The following NRG3 variants were observed in gnomAD, a reference collection of about 807,000 sequenced individuals.
NRG3 encodes the protein pro-neuregulin-3, membrane-bound isoform.
NRG3 carries 31 observed loss-of-function variants against 66.9 expected under a neutral mutation model. That is an observed-to-expected ratio of 0.46 (90% confidence interval 0.35 to 0.63). The LOEUF (loss-of-function observed/expected upper bound fraction) is 0.63. NRG3 is among the 20% of genes least tolerant of loss of function. NRG3 has a pLI of 0.00. For missense variants in NRG3, 910 were observed against 878.9 expected (o/e 1.04, Z -0.45); for synonymous variants, 393 against 359.4 (o/e 1.09, Z -1.06).
intron 1 of NRG3, among the ~76,000 whole-genome samples, chr10:81,956,406 C>T (rs1849834294): frequency 6.6e-6 from 1 of 152,188 alleles, no homozygotes. Context: ...TCATTCCTAC[C>T]TCTAGCTTTT....
intron 2 of NRG3, among the ~76,000 whole-genome samples, chr10:82,582,558 A>G (rs1019773828): frequency 2.6e-5 from 4 of 152,090 alleles, no homozygotes; most frequent in Non-Finnish European, 5.9e-5. Context: ...GTTTGTAACA[A>G]TTTCATCAGA....
intron 1 of NRG3, among the ~76,000 whole-genome samples, chr10:82,357,118 G>A (rs1326547994): frequency 1.3e-5 from 2 of 152,226 alleles, no homozygotes; most frequent in African/African-American, 4.8e-5. Flanking sequence ...AACAAAGAAT[G>A]AAGGTCTGGG....
At chr10:82,349,959 C>G (rs11193878) in intron 1 of NRG3, among the ~76,000 whole-genome samples, 2 of 152,298 alleles carry the variant, frequency 1.3e-5, no homozygotes, top group East Asian at 1.9e-4. Context: ...CCTGCGCCCA[C>G]TGTCTGGCAC....
rs142858513 is a variant in NRG3, at chr10:82,505,570, G to A, written c.953+146702G>A. 2.8e-3 allele frequency among the ~76,000 whole-genome samples: 433 copies of A among 152,276 alleles called. 10 individuals are homozygous for A. The highest frequency in any genetic ancestry group is 1.1e-3 in the Non-Finnish European group (77 of 68,032). On this transcript the variant is annotated intron_variant, in intron 2 of 8. Transcript: ENST00000372141. ...TCACTCACTAGCTGTTGACGTTTGT[G>A]TAAGTCAGTGCACAATCACCCCAGT...
chr10:82,355,367 A>G (rs1366559730), intron 1 of NRG3, among the ~76,000 whole-genome samples: 1 of 152,078 alleles, frequency 6.6e-6, no homozygotes, highest in Non-Finnish European at 1.5e-5. Context: ...TGCACCTTAC[A>G]TTTTATTTTT....
At chr10:82,219,079 C>T (rs2133750076) in intron 1 of NRG3, among the ~76,000 whole-genome samples, 1 of 151,864 alleles carries the variant, frequency 6.6e-6, no homozygotes, top group Non-Finnish European at 1.5e-5. Flanking sequence ...GAAACATTGT[C>T]CTGTGCATAT....
intron 1 of NRG3, among the ~76,000 whole-genome samples, chr10:81,879,060 A>G (rs1841950097): frequency 6.6e-6 from 1 of 152,222 alleles, no homozygotes; most frequent in Non-Finnish European, 1.5e-5. Flanking sequence ...TGAACTTTAA[A>G]GGCAGGAGGA....
At chr10:82,246,980 T>C (rs547122725) in intron 1 of NRG3, among the ~76,000 whole-genome samples, 8 of 152,280 alleles carry the variant, frequency 5.3e-5, no homozygotes, top group African/African-American at 1.7e-4. Flanking sequence ...CCGTAAGCTA[T>C]AAAGGACTAG....
intron 3 of NRG3, among the ~76,000 whole-genome samples, chr10:82,783,239 C>T (rs1435218666): frequency 6.6e-6 from 1 of 151,712 alleles, no homozygotes; most frequent in East Asian, 1.9e-4. Flanking sequence ...GACAAACCCA[C>T]AGCCAATATC....
intron 1 of NRG3, chr10:82,232,555 C>T (rs1441731659): frequency 1.8e-6 from 1 of 552,346 alleles, no homozygotes; most frequent in African/African-American, 1.9e-5. Context: ...TCAGGTACCT[C>T]AGACTTCTGA....
At chr10:82,601,416 G>A (rs1379875177) in intron 2 of NRG3, among the ~76,000 whole-genome samples, 1 of 152,096 alleles carries the variant, frequency 6.6e-6, no homozygotes, top group Non-Finnish European at 1.5e-5. Flanking sequence ...ATGTTTTCAG[G>A]CAAATAACTT....
chr10:82,270,459 C>T lies in NRG3; in HGVS notation c.824-88280C>T, dbSNP rs543008173. Among the ~76,000 whole-genome samples, 4 of 152,210 alleles carry T rather than the reference C, an allele frequency of 2.6e-5. No individual in the cohort carries two copies. In the East Asian group the frequency reaches 7.7e-4, roughly 29 times the overall value. ...ACTGAGGGCACCTGGGCTGTCTATG[C>T]ATTTCCTCTCATAGCATTCATGATA... On this transcript the variant is annotated intron_variant, in intron 1 of 8. Coordinates refer to ENST00000372141, the MANE Select transcript of NRG3 (RefSeq NM_001010848.4).
At chr10:82,585,900 A>C (rs2046641746) in intron 2 of NRG3, among the ~76,000 whole-genome samples, 1 of 152,194 alleles carries the variant, frequency 6.6e-6, no homozygotes, top group African/African-American at 2.4e-5. Context: ...TTAACACAAT[A>C]ATGTGTTCAA....
In NRG3 at chr10:82,065,856, A is replaced by G. The variant is rs185792740; in HGVS notation, c.823+189693A>G. On this transcript the variant is annotated intron_variant, in intron 1 of 8. Transcript: ENST00000372141. ...TCTGATTATCTGTTCAAGAATTTGTATATCCCAACTCTTTGTGTAGTTAAA... is the reference window on the plus strand; with the variant it reads ...TCTGATTATCTGTTCAAGAATTTGTGTATCCCAACTCTTTGTGTAGTTAAA... Among the ~76,000 whole-genome samples, 38 of 152,306 alleles carry G rather than the reference A, an allele frequency of 2.5e-4. No individual in the cohort carries two copies. In the East Asian group the frequency reaches 4.2e-3, roughly 17 times the overall value.
chr10:82,172,993 G>A (rs1358593285), intron 1 of NRG3, among the ~76,000 whole-genome samples: 1 of 152,124 alleles, frequency 6.6e-6, no homozygotes, highest in Non-Finnish European at 1.5e-5. Flanking sequence ...ATATGAAAGT[G>A]TCTGTGCAGG....
chr10:82,753,882 G>A, intron 3 of NRG3, among the ~76,000 whole-genome samples: 1 of 151,374 alleles, frequency 6.6e-6, no homozygotes, highest in Non-Finnish European at 1.5e-5. Context: ...GGGAGTCAGA[G>A]GTTGCAGTGA....
intron 1 of NRG3, among the ~76,000 whole-genome samples, chr10:81,925,750 A>ATT (rs777337436): frequency 0.33 from 47,854 of 146,018 alleles, 9,738 homozygotes; most frequent in East Asian, 0.63. Flanking sequence ...TTTTTTTTAA[A>ATT]AAAAAAAGAG....
chr10:82,435,514 C>T (rs183827711), intron 2 of NRG3, among the ~76,000 whole-genome samples: 3 of 152,010 alleles, frequency 2.0e-5, no homozygotes, highest in East Asian at 3.9e-4. Flanking sequence ...GCTCTTGCCT[C>T]TCTAGATTTT....
At chr10:82,141,987 C>T (rs998744572) in intron 1 of NRG3, among the ~76,000 whole-genome samples, 3 of 152,140 alleles carry the variant, frequency 2.0e-5, no homozygotes, top group Admixed American at 6.6e-5. Flanking sequence ...TTTTATGATG[C>T]TTTATAAAAA....
Sources: allele counts gnomAD v4.1 joint callset (sites outside exome capture counted in the v4.1 genomes callset), GRCh38; gene constraint gnomAD v4.1.1; transcripts MANE v1.5; gene names NCBI Gene and HGNC (gene_info 2026-07-23, HGNC 2026-07-21).